Variants in ARSF observed in about 807,000 individuals in gnomAD.
ARSF encodes arylsulfatase F.
Under a neutral mutation model 35.4 loss-of-function variants are expected in ARSF, and 33 were observed. The observed-to-expected ratio is 0.93, with a 90% confidence interval of 0.71 to 1.25. ARSF has a LOEUF of 1.25. Ranked by LOEUF, ARSF falls within the 50% of genes most tolerant of loss-of-function variation. The probability of loss-of-function intolerance (pLI) is 0.00; values close to 1 mark genes in which losing one functional copy is unlikely to be tolerated. For synonymous variants in ARSF, 222 were observed against 193.1 expected, an observed-to-expected ratio of 1.15 and a Z score of -1.24; for missense variants, 501 against 480.2, an observed-to-expected ratio of 1.04 and a Z score of -0.40.
intron 3 of ARSF, among the ~76,000 whole-genome samples, chrX:3,075,288 CT>C (rs2090137382): frequency 8.9e-6 from 1 of 111,964 alleles, no homozygotes; most frequent in Admixed American, 9.5e-5. Flanking sequence ...CTCAGTCATA[CT>C]TCACCTTGAC....
Position 3,084,590 on chromosome X carries a change from G to T in ARSF, c.754G>T (p.Glu252Ter). The T allele has an allele frequency of 8.3e-7, 1 of 1,210,246 alleles. No individual in the cohort carries two copies. The highest frequency in any genetic ancestry group is 1.1e-6 in the Non-Finnish European group (1 of 894,677). ...YWDCLLMRGH[E>*]ITEQPMKAER... ...GGACTGCCTCCTCATGCGGGGGCAC[G>T]AGATCACGGAGCAGCCCATGAAGGC... Residue 252 changes from glutamate (E) to a stop codon, truncating the protein, a stop_gained, in exon 6 of 11, where the codon GAG (glutamate) becomes TAG (stop). Transcript: ENST00000381127. LOFTEE classifies it high-confidence loss of function.
chrX:3,081,331 C>A (rs1001575729), intron 5 of ARSF, among the ~76,000 whole-genome samples: 1 of 111,271 alleles, frequency 9.0e-6, no homozygotes, highest in Non-Finnish European at 1.9e-5. Flanking sequence ...GGCAGGACTT[C>A]TTTTCTTTAT....
intron 6 of ARSF, among the ~76,000 whole-genome samples, chrX:3,085,996 G>A (rs2147518239): frequency 9.0e-6 from 1 of 110,641 alleles, no homozygotes; most frequent in African/African-American, 3.3e-5. Context: ...ACTCCAGCCT[G>A]AGCAACAGAG....
chrX:3,112,643 T>A lies in ARSF; in HGVS notation c.*87T>A. 2.2e-5 allele frequency: 24 copies of A among 1,070,208 alleles called. No individual in the cohort carries two copies. Among genetic ancestry groups the A allele is most frequent in the Non-Finnish European group, 2.8e-5 (23 of 823,625 alleles). The allele number at this position is 1,070,208 out of a possible 1,213,427, so 88.2% of individuals were successfully genotyped here. On this transcript the variant is annotated 3_prime_UTR_variant, in exon 11 of 11. Transcript: ENST00000381127. ...CTACCAAAGGAAGCACTAACTTTGG[T>A]GCTTTCAAGTTGGCAAGGAGTGCAT...
intron 1 of ARSF, among the ~76,000 whole-genome samples, chrX:3,050,874 G>A (rs5939426): frequency 9.1e-6 from 1 of 110,045 alleles, no homozygotes; most frequent in South Asian, 3.9e-4. Flanking sequence ...AAACTCCACC[G>A]TTTTGCTTCT....
rs2090453350 is a variant in ARSF, at chrX:3,112,431, T to C, written c.1648T>C (p.Tyr550His). The C allele has an allele frequency of 2.5e-6, 3 of 1,209,510 alleles. No homozygotes were observed. The highest frequency in any genetic ancestry group is 3.4e-6 in the Non-Finnish European group (3 of 895,196). ...EHQETIVPVTYQLSELNQGRT... is the reference protein window; with the variant it reads ...EHQETIVPVTHQLSELNQGRT... ...CCAGGAAACCATCGTGCCTGTGACCTACCAACTCTCAGAACTGAATCAGGG... is the reference window on the plus strand; with the variant it reads ...CCAGGAAACCATCGTGCCTGTGACCCACCAACTCTCAGAACTGAATCAGGG... The change falls in exon 11 of 11, where the codon TAC becomes CAC. Residue 550 changes from tyrosine to histidine, a missense_variant. Tyr to His is a moderately conservative substitution (Grantham distance 83, BLOSUM62 2). Coordinates refer to ENST00000381127, the MANE Select transcript of ARSF (RefSeq NM_001201539.2).
chrX:3,080,100 C>T (rs1310546804), intron 4 of ARSF, among the ~76,000 whole-genome samples: 1 of 109,196 alleles, frequency 9.2e-6, no homozygotes, highest in Non-Finnish European at 1.9e-5. Context: ...TTCCAGATAG[C>T]GGTTCTTGGA....
chrX:3,041,324 T>A (rs1414093818), upstream of ARSF: 1 of 93,500 alleles, frequency 1.1e-5, no homozygotes, highest in Non-Finnish European at 2.1e-5. Flanking sequence ...TGAGACAGAG[T>A]CTTGCTCTGT....
At chrX:3,066,680 C>G (rs942877020) in intron 1 of ARSF, among the ~76,000 whole-genome samples, 1 of 111,410 alleles carries the variant, frequency 9.0e-6, no homozygotes, top group Non-Finnish European at 1.9e-5. Context: ...GTTGCAAATG[C>G]GGGCTGCAGA....
At chrX:3,072,238 A>G in intron 3 of ARSF, 63 bp downstream of exon 3, 5 of 1,124,146 alleles carry the variant, frequency 4.4e-6, no homozygotes, top group Non-Finnish European at 6.0e-6. Flanking sequence ...GGCTGGCTGT[A>G]CGGCTGCATC....
chrX:3,054,921 G>A (rs774724573), intron 1 of ARSF, among the ~76,000 whole-genome samples: 1 of 105,638 alleles, frequency 9.5e-6, no homozygotes, highest in Non-Finnish European at 1.9e-5. Context: ...ATTTAGTAGA[G>A]ACAGGGTTTC....
At chrX:3,089,439 G>C (rs2290453) in intron 6 of ARSF, 57 bp from the exon 7 acceptor site, 2 of 1,176,801 alleles carry the variant, frequency 1.7e-6, no homozygotes, top group Non-Finnish European at 1.1e-6. Context: ...CAAAACAATA[G>C]TTTTCACATT....
Position 3,089,565 on chromosome X carries a change from C to T in ARSF, c.900C>T (p.Asp300=), listed in dbSNP as rs190353824. The change falls in exon 7 of 11, where the codon GAC becomes GAT. Residue 300 remains aspartate (D), a synonymous_variant. Coordinates refer to ENST00000381127, the MANE Select transcript of ARSF (RefSeq NM_001201539.2). The stretch of plus-strand genomic sequence containing the variant: ...TGCACACACCTCTCCCCACCACGGA[C>T]GATTTCACTGGCACCAGCAAGCATG... ...LHVHTPLPTT[D]DFTGTSKHGL... The T allele has an allele frequency of 6.6e-6, 8 of 1,209,716 alleles. No homozygotes were observed. The highest frequency in any genetic ancestry group is 5.2e-5 in the African/African-American group (3 of 57,263).
At chrX:3,100,156 G>A in intron 7 of ARSF, among the ~76,000 whole-genome samples, 1 of 112,126 alleles carries the variant, frequency 8.9e-6, no homozygotes, top group East Asian at 2.8e-4. Context: ...TCCCAACCTA[G>A]TCATCCTATT....
chrX:3,102,862 C>A (rs772013787), intron 8 of ARSF, among the ~76,000 whole-genome samples: 200 of 109,135 alleles, frequency 1.8e-3, no homozygotes, highest in African/African-American at 5.6e-3. Context: ...CAGTGAGCCG[C>A]GATAGCACCA....
chrX:3,065,795 C>T, intron 1 of ARSF, among the ~76,000 whole-genome samples: 1 of 111,303 alleles, frequency 9.0e-6, no homozygotes, highest in East Asian at 2.8e-4. Context: ...CATCTCTGGT[C>T]TAATGCAAGA....
At chrX:3,054,637 G>A (rs1349319160) in intron 1 of ARSF, among the ~76,000 whole-genome samples, 1 of 110,067 alleles carries the variant, frequency 9.1e-6, no homozygotes, top group African/African-American at 3.3e-5. Context: ...TTTTAGGGCT[G>A]TCTACTTTTC....
chrX:3,103,055 T>C (rs964766127), intron 8 of ARSF, among the ~76,000 whole-genome samples: 2 of 109,607 alleles, frequency 1.8e-5, no homozygotes, highest in Admixed American at 1.0e-4. Context: ...ATGCCTGTCA[T>C]CTTGGTATAA....
intron 1 of ARSF, among the ~76,000 whole-genome samples, chrX:3,043,835 G>A (rs1250275504): frequency 5.4e-5 from 6 of 111,301 alleles, no homozygotes; most frequent in South Asian, 7.6e-4. Context: ...AGGCTGGAGC[G>A]CAGTGGTGTG....
Sources: allele counts gnomAD v4.1 joint callset (sites outside exome capture counted in the v4.1 genomes callset), GRCh38; gene constraint gnomAD v4.1.1; transcripts MANE v1.5; gene names NCBI Gene and HGNC (gene_info 2026-07-23, HGNC 2026-07-21).